The following KAZN variants were observed in gnomAD, a reference collection of about 807,000 sequenced individuals.
The protein encoded by KAZN is kazrin, periplakin interacting protein.
KAZN carries 40 observed loss-of-function variants against 87.4 expected under a neutral mutation model. The ratio of observed to expected loss-of-function variants is 0.46; its 90% CI spans 0.36 to 0.60. The LOEUF is 0.60. Ranked by LOEUF, KAZN falls within the 20% of genes least tolerant of loss-of-function variation. The pLI is 0.00. For missense variants in KAZN, 898 were observed against 1,073.9 expected, an observed-to-expected ratio of 0.84 and a Z score of 2.29; for synonymous variants, 466 against 458.3, an observed-to-expected ratio of 1.02 and a Z score of -0.22.
intron 1 of KAZN, among the ~76,000 whole-genome samples, chr1:14,791,190 C>T (rs1368460816): frequency 6.6e-6 from 1 of 152,232 alleles, no homozygotes; most frequent in African/African-American, 2.4e-5. Flanking sequence ...CACCCTTAAT[C>T]TGCTGGGACA....
intron 1 of KAZN, among the ~76,000 whole-genome samples, chr1:14,776,804 C>T (rs1032078851): frequency 4.6e-5 from 7 of 152,026 alleles, no homozygotes; most frequent in South Asian, 2.1e-4. Context: ...AGCATAGTGG[C>T]GCATACCTGC....
At chr1:15,025,829 T>C (rs1038831168) in intron 2 of KAZN, among the ~76,000 whole-genome samples, 27 of 152,126 alleles carry the variant, frequency 1.8e-4, no homozygotes, top group Admixed American at 7.2e-4. Flanking sequence ...GAAATTAACA[T>C]TGTGGGGAGC....
chr1:14,035,686 G>T (rs537695145), intron 1 of KAZN, among the ~76,000 whole-genome samples: 6 of 151,620 alleles, frequency 4.0e-5, no homozygotes, highest in Non-Finnish European at 7.4e-5. Flanking sequence ...TGTTGCTCAG[G>T]CTGGTCTTGA....
rs138535578 is a variant in KAZN at position 14,339,673 on chromosome 1, A to T, written c.249+159081A>T. ...TTTTATTGAGGCCTTCAACTGACTG[A>T]ATTAGCCCCATTCACATTAAGGAGG... is the stretch of plus-strand genomic sequence containing the variant. On this transcript the variant is annotated intron_variant, in intron 2 of 16. Transcript: ENST00000636203. Among the ~76,000 whole-genome samples the T allele has an allele frequency of 3.0e-3, 454 of 152,332 alleles. 1 individual carries two copies. The highest frequency in any genetic ancestry group is 0.01 in the African/African-American group (425 of 41,580).
At chr1:14,651,969 C>T (rs575853930) in intron 1 of KAZN, among the ~76,000 whole-genome samples, 1 of 152,308 alleles carries the variant, frequency 6.6e-6, no homozygotes, top group African/African-American at 2.4e-5. Context: ...AATCATTGAG[C>T]AGTTTGTAGT....
At chr1:14,179,054 G>A (rs1175202873) in intron 1 of KAZN, among the ~76,000 whole-genome samples, 3 of 152,032 alleles carry the variant, frequency 2.0e-5, no homozygotes, top group African/African-American at 7.2e-5. Flanking sequence ...AAATTATTTG[G>A]CCTGCAGCTC....
chr1:15,088,117 G>A (rs1174695349), intron 8 of KAZN, among the ~76,000 whole-genome samples: 1 of 152,204 alleles, frequency 6.6e-6, no homozygotes, highest in Non-Finnish European at 1.5e-5. Context: ...TGGGCTTTAA[G>A]CTTTAGGCTT....
intron 1 of KAZN, among the ~76,000 whole-genome samples, chr1:14,677,705 G>A (rs1479918247): frequency 1.3e-5 from 2 of 152,158 alleles, no homozygotes; most frequent in East Asian, 1.9e-4. Context: ...TTTATTGATG[G>A]GATTCCCTTG....
At chr1:14,422,014 A>C (rs1665460720) in intron 2 of KAZN, among the ~76,000 whole-genome samples, 1 of 152,138 alleles carries the variant, frequency 6.6e-6, no homozygotes, top group South Asian at 2.1e-4. Flanking sequence ...AATTTTGTCC[A>C]CTCCAGTGAC....
intron 1 of KAZN, among the ~76,000 whole-genome samples, chr1:14,019,836 G>C (rs1640740557): frequency 6.6e-6 from 1 of 152,124 alleles, no homozygotes. Context: ...ACCAGGGACT[G>C]GTTTCACGGA....
At chr1:14,262,156 G>C (rs1256252967) in intron 2 of KAZN, among the ~76,000 whole-genome samples, 1 of 152,160 alleles carries the variant, frequency 6.6e-6, no homozygotes, top group East Asian at 1.9e-4. Flanking sequence ...ACTCACCCCT[G>C]TAATCCCAGC....
intron 2 of KAZN, among the ~76,000 whole-genome samples, chr1:14,315,555 C>T (rs1398801115): frequency 6.6e-6 from 1 of 152,002 alleles, no homozygotes; most frequent in Non-Finnish European, 1.5e-5. Flanking sequence ...TGTTTATAGC[C>T]AGCCTCCCAT....
At chr1:15,011,622 T>G (rs1164629609) in intron 2 of KAZN, among the ~76,000 whole-genome samples, 2 of 152,198 alleles carry the variant, frequency 1.3e-5, no homozygotes, top group Non-Finnish European at 2.9e-5. Flanking sequence ...GTGTTTTTGT[T>G]TCTGTGCTAG....
At chr1:14,069,173 G>A (rs1332528894) in intron 1 of KAZN, among the ~76,000 whole-genome samples, 2 of 152,180 alleles carry the variant, frequency 1.3e-5, no homozygotes, top group African/African-American at 4.8e-5. Flanking sequence ...GAGCTAATAT[G>A]GGTAAAGAGA....
intron 1 of KAZN, among the ~76,000 whole-genome samples, chr1:14,126,571 T>C (rs1287451569): frequency 6.6e-6 from 1 of 152,026 alleles, no homozygotes; most frequent in Non-Finnish European, 1.5e-5. Context: ...AATTTTACAA[T>C]GACCTAATGA....
chr1:14,369,713 T>C (rs890783534), intron 2 of KAZN, among the ~76,000 whole-genome samples: 2 of 152,090 alleles, frequency 1.3e-5, no homozygotes, highest in African/African-American at 4.8e-5. Context: ...CCAAAGGAAA[T>C]AAACCTGACC....
At chr1:14,947,734 C>T (rs1661999787) in intron 1 of KAZN, among the ~76,000 whole-genome samples, 1 of 152,192 alleles carries the variant, frequency 6.6e-6, no homozygotes, top group Non-Finnish European at 1.5e-5. Context: ...AATGCTAGCA[C>T]TTCTCCCATG....
chr1:15,048,813 CCTGGGTTGTTGGTG>C (rs1293266113), intron 4 of KAZN, among the ~76,000 whole-genome samples: 13 of 149,788 alleles, frequency 8.7e-5, no homozygotes, highest in African/African-American at 2.5e-5. Flanking sequence ...AGTCGTTGGT[CCTGGGTTGTTGGTG>C]CTGGGTCGTT....
intron 2 of KAZN, among the ~76,000 whole-genome samples, chr1:15,012,607 T>G (rs1365429383): frequency 6.6e-6 from 1 of 152,152 alleles, no homozygotes; most frequent in African/African-American, 2.4e-5. Context: ...TAGATCCTCT[T>G]GAAAACCTCT....
Sources: gnomAD v4.1 joint callset for allele counts (sites outside exome capture counted in the v4.1 genomes callset) on GRCh38, gnomAD v4.1.1 for gene constraint, MANE v1.5 for transcripts, NCBI Gene and HGNC (gene_info 2026-07-23, HGNC 2026-07-21) for gene names.